The following KIAA1328 variants were observed in gnomAD, a reference collection of about 807,000 sequenced individuals.
The protein encoded by KIAA1328 is KIAA1328.
Under a neutral mutation model 68.1 loss-of-function variants are expected in KIAA1328, and 52 were observed. That is an observed-to-expected ratio of 0.76 (90% CI 0.61 to 0.96). The LOEUF (loss-of-function observed/expected upper bound fraction) is 0.96, where lower values mean the gene tolerates loss of function less well. Ranked by LOEUF, KIAA1328 falls within the 40% of genes least tolerant of loss-of-function variation. The probability of loss-of-function intolerance (pLI) is 0.00; values close to 1 mark genes in which losing one functional copy is unlikely to be tolerated. For missense variants in KIAA1328, 641 were observed against 677.6 expected, an observed-to-expected ratio of 0.95 and a Z score of 0.60; for synonymous variants, 232 against 239.4, an observed-to-expected ratio of 0.97 and a Z score of 0.28.
intron 6 of KIAA1328, among the ~76,000 whole-genome samples, chr18:36,973,357 G>A (rs951730626): frequency 6.6e-6 from 1 of 152,008 alleles, no homozygotes; most frequent in Non-Finnish European, 1.5e-5. Context: ...ATAGCATTAG[G>A]AGGTATACCT....
intron 9 of KIAA1328, among the ~76,000 whole-genome samples, chr18:37,207,403 G>A (rs1407721814): frequency 1.3e-5 from 2 of 152,112 alleles, no homozygotes; most frequent in Non-Finnish European, 2.9e-5. Context: ...AACCCAGCTA[G>A]CATTTCTAAA....
At chr18:37,009,625 C>T (rs111573474) in intron 6 of KIAA1328, among the ~76,000 whole-genome samples, 42 of 152,256 alleles carry the variant, frequency 2.8e-4, no homozygotes, top group African/African-American at 1.0e-3. Flanking sequence ...TGTGCAAGAC[C>T]ATCCACAGAA....
intron 7 of KIAA1328, among the ~76,000 whole-genome samples, chr18:37,149,720 T>TA (rs1164564797): frequency 6.6e-6 from 1 of 152,174 alleles, no homozygotes; most frequent in Admixed American, 6.5e-5. Flanking sequence ...AACCTCATGA[T>TA]AGAGTCTGTG....
At chr18:36,886,752 G>A (rs954505340) in intron 5 of KIAA1328, among the ~76,000 whole-genome samples, 7 of 151,968 alleles carry the variant, frequency 4.6e-5, no homozygotes, top group Non-Finnish European at 7.4e-5. Context: ...TTTTATTGGC[G>A]GTATCATCAT....
chr18:37,065,269 G>A (rs1214337350), intron 6 of KIAA1328, among the ~76,000 whole-genome samples: 1 of 152,206 alleles, frequency 6.6e-6, no homozygotes, highest in Non-Finnish European at 1.5e-5. Flanking sequence ...GGCCTTGAAT[G>A]AAAGCCTGAG....
chr18:36,930,864 A>T (rs2050285352), intron 5 of KIAA1328, among the ~76,000 whole-genome samples: 1 of 152,144 alleles, frequency 6.6e-6, no homozygotes, highest in Admixed American at 6.5e-5. Context: ...AAAAAAGAGC[A>T]CATCATTCCA....
At chr18:37,194,809 C>T (rs979685033) in intron 9 of KIAA1328, among the ~76,000 whole-genome samples, 1 of 152,072 alleles carries the variant, frequency 6.6e-6, no homozygotes, top group African/African-American at 2.4e-5. Context: ...GACAGGTGTG[C>T]ACCACCACGC....
At chr18:36,959,497 A>G in intron 6 of KIAA1328, 62 bp downstream of exon 6, 2 of 1,529,228 alleles carry the variant, frequency 1.3e-6, no homozygotes, top group Non-Finnish European at 1.8e-6. Flanking sequence ...CAGAAGAGCC[A>G]TTTGTTTTTT....
chr18:37,224,202 C>G lies in KIAA1328; in HGVS notation c.*1975C>G. ...ACTCCCATGCCCACAGTCACCCATTCCAGACTCCAGTGTCCTTAAAACTCT... is the reference window on the plus strand; with the variant it reads ...ACTCCCATGCCCACAGTCACCCATTGCAGACTCCAGTGTCCTTAAAACTCT... On this transcript the variant is annotated 3_prime_UTR_variant, in exon 10 of 10. Transcript: ENST00000280020. The G allele has an allele frequency of 1.0e-6, 1 of 985,408 alleles. No individual in the cohort carries two copies. Among genetic ancestry groups the G allele is most frequent in the Non-Finnish European group, 1.2e-6 (1 of 829,944 alleles). The allele number at this position is 985,408 out of a possible 1,614,324, so 61.0% of individuals were successfully genotyped here.
rs542647286 is a variant in KIAA1328, at chr18:37,172,128, A to G, written c.1415-845A>G. Reference sequence around the variant, plus strand: ...AGGGTCTGGTATTCCCAGCACTCCAAAGCTTTTTGTTATTTGAATACTCTC... The same window carrying G: ...AGGGTCTGGTATTCCCAGCACTCCAGAGCTTTTTGTTATTTGAATACTCTC... On this transcript the variant is annotated intron_variant, in intron 8 of 9. Coordinates refer to ENST00000280020, the MANE Select transcript of KIAA1328 (RefSeq NM_020776.3). 2.6e-5 allele frequency among the ~76,000 whole-genome samples: 4 copies of G among 152,270 alleles called. No homozygotes were observed. The East Asian group carries it at 7.7e-4, about 29-fold the overall frequency.
chr18:37,060,982 G>A (rs1000960022), intron 6 of KIAA1328, among the ~76,000 whole-genome samples: 1 of 152,168 alleles, frequency 6.6e-6, no homozygotes, highest in Non-Finnish European at 1.5e-5. Flanking sequence ...GGCCATGGTG[G>A]TGTGTGCCTG....
At chr18:36,879,200 T>G (rs559436220) in intron 4 of KIAA1328, among the ~76,000 whole-genome samples, 1 of 152,202 alleles carries the variant, frequency 6.6e-6, no homozygotes, top group Non-Finnish European at 1.5e-5. Context: ...GATGGGTTTT[T>G]TTTTTCATGG....
chr18:37,146,778 A>G (rs1159633244), intron 7 of KIAA1328, among the ~76,000 whole-genome samples: 2 of 152,188 alleles, frequency 1.3e-5, no homozygotes, highest in African/African-American at 4.8e-5. Flanking sequence ...TTTACGTAGA[A>G]TGTAAGGCCT....
chr18:37,086,763 T>A (rs2057116758), intron 7 of KIAA1328, among the ~76,000 whole-genome samples: 1 of 152,234 alleles, frequency 6.6e-6, no homozygotes, highest in Non-Finnish European at 1.5e-5. Context: ...TTTCTAGTAT[T>A]GCCATTAAGA....
At chr18:37,027,824 T>G (rs369422050) in intron 6 of KIAA1328, among the ~76,000 whole-genome samples, 41 of 152,148 alleles carry the variant, frequency 2.7e-4, no homozygotes, top group African/African-American at 6.3e-4. Flanking sequence ...ACTTCATGTC[T>G]AAAACACCAA....
At chr18:37,045,469 C>CT (rs199552677) in intron 6 of KIAA1328, among the ~76,000 whole-genome samples, 100 of 145,670 alleles carry the variant, frequency 6.9e-4, no homozygotes, top group African/African-American at 9.8e-4. Flanking sequence ...CATTCCATTT[C>CT]TTTTTTTTTT....
Position 37,142,317 on chromosome 18 carries a change from G to C in KIAA1328, c.1233-17883G>C, listed in dbSNP as rs563930082. On this transcript the variant is annotated intron_variant, in intron 7 of 9. Coordinates refer to ENST00000280020, the MANE Select transcript of KIAA1328 (RefSeq NM_020776.3). ...AGCAATTCTCCTGCCTCAGCCTCTT[G>C]AGTAGCTGGGATTACAGGCGCACAC... Among the ~76,000 whole-genome samples, 249 of 151,940 alleles carry C rather than the reference G, an allele frequency of 1.6e-3. 2 individuals are homozygous for C. The highest frequency in any genetic ancestry group is 2.1e-3 in the Non-Finnish European group (145 of 67,918).
chr18:37,072,362 A>T (rs1174535220), intron 7 of KIAA1328, among the ~76,000 whole-genome samples: 1 of 151,120 alleles, frequency 6.6e-6, no homozygotes, highest in Admixed American at 6.6e-5. Context: ...GATGTTTTCC[A>T]CAGTCATTTG....
chr18:37,060,244 T>G (rs2056095451), intron 6 of KIAA1328, among the ~76,000 whole-genome samples: 1 of 152,276 alleles, frequency 6.6e-6, no homozygotes, highest in East Asian at 1.9e-4. Flanking sequence ...GGTGACTGTT[T>G]AGAGAAATAA....
Sources: allele counts gnomAD v4.1 joint callset (sites outside exome capture counted in the v4.1 genomes callset), GRCh38; gene constraint gnomAD v4.1.1; transcripts MANE v1.5; gene names NCBI Gene and HGNC (gene_info 2026-07-23, HGNC 2026-07-21).